The following IL1RAPL2 variants were observed in gnomAD, a reference collection of about 807,000 sequenced individuals.
IL1RAPL2 encodes the protein interleukin 1 receptor accessory protein like 2.
IL1RAPL2 carries 3 observed loss-of-function variants against 44.1 expected under a neutral mutation model. The observed-to-expected ratio is 0.07, with a 90% CI of 0.03 to 0.18. The LOEUF is 0.18. Ranked by LOEUF, IL1RAPL2 falls within the 10% of genes least tolerant of loss-of-function variation. IL1RAPL2 has a pLI of 1.00. For missense variants in IL1RAPL2, 391 were observed against 496.4 expected (o/e 0.79, Z 2.02); for synonymous variants, 181 against 178.8 (o/e 1.01, Z -0.10).
chrX:105,443,017 A>G (rs1055943524), intron 5 of IL1RAPL2, among the ~76,000 whole-genome samples: 1 of 111,885 alleles, frequency 8.9e-6, no homozygotes, highest in East Asian at 2.8e-4. Context: ...CAGAGGTTGC[A>G]GTGAGGTGAA....
At chrX:104,797,336 T>C (rs1300564592) in intron 2 of IL1RAPL2, among the ~76,000 whole-genome samples, 3 of 110,215 alleles carry the variant, frequency 2.7e-5, no homozygotes, top group African/African-American at 9.9e-5. Context: ...CCTCTTTTGA[T>C]TTCCCTCTGT....
At chrX:104,616,711 G>A (rs1022508208) in intron 1 of IL1RAPL2, among the ~76,000 whole-genome samples, 7 of 111,440 alleles carry the variant, frequency 6.3e-5, no homozygotes, top group East Asian at 2.8e-4. Context: ...AGATAGCTTC[G>A]ACTCCCTGTG....
At position 105,267,438 on chromosome X, in the gene IL1RAPL2, T is replaced by C. The variant is rs779907937; in HGVS notation, c.594T>C (p.Ala198=). The part of the protein sequence containing the change: ...WRSIIIQKGN[A]LLIQEVQEED... ...GCATAATAATACAGAAAGGAAATGC[T>C]CTTCTGATCCAAGAAGTTCAAGAAG... Residue 198 remains alanine (A), a synonymous_variant, in exon 5 of 11, where the codon GCT becomes GCC. Coordinates refer to ENST00000372582, the MANE Select transcript of IL1RAPL2 (RefSeq NM_017416.2). The C allele has an allele frequency of 8.3e-7, 1 of 1,201,064 alleles. No homozygotes were observed. The highest frequency in any genetic ancestry group is 3.0e-5 in the East Asian group (1 of 33,586).
At chrX:105,130,053 T>A (rs1261176240) in intron 2 of IL1RAPL2, among the ~76,000 whole-genome samples, 1 of 111,182 alleles carries the variant, frequency 9.0e-6, no homozygotes, top group African/African-American at 3.3e-5. Flanking sequence ...ATTTTGTATT[T>A]GAATCTTCAC....
chrX:104,886,917 A>G (rs781351375), intron 2 of IL1RAPL2, among the ~76,000 whole-genome samples: 1 of 111,708 alleles, frequency 9.0e-6, no homozygotes, highest in African/African-American at 3.3e-5. Flanking sequence ...CAGTTTGGAA[A>G]CCTCATGCAA....
chrX:104,940,587 G>A (rs972148396), intron 2 of IL1RAPL2, among the ~76,000 whole-genome samples: 4 of 110,781 alleles, frequency 3.6e-5, no homozygotes, highest in Non-Finnish European at 7.6e-5. Flanking sequence ...GGTTTATTGT[G>A]GCTCTCGTCT....
At chrX:105,384,757 AT>A (rs761596713) in intron 5 of IL1RAPL2, among the ~76,000 whole-genome samples, 1 of 111,123 alleles carries the variant, frequency 9.0e-6, no homozygotes, top group African/African-American at 3.3e-5. Flanking sequence ...GTAGCTGTCC[AT>A]TTTTTGTGTG....
chrX:105,026,816 C>A (rs1324677636), intron 2 of IL1RAPL2, among the ~76,000 whole-genome samples: 2 of 109,176 alleles, frequency 1.8e-5, no homozygotes. Context: ...CAGTGACATT[C>A]TTCACAGAAA....
chrX:105,174,017 G>A (rs1021135107), intron 2 of IL1RAPL2, among the ~76,000 whole-genome samples: 2 of 111,290 alleles, frequency 1.8e-5, no homozygotes, highest in Non-Finnish European at 3.8e-5. Flanking sequence ...ACAGGCGTAA[G>A]TCACTGCACC....
At chrX:105,718,620 T>G (rs1292256123) in intron 7 of IL1RAPL2, among the ~76,000 whole-genome samples, 2 of 111,484 alleles carry the variant, frequency 1.8e-5, no homozygotes, top group Non-Finnish European at 3.8e-5. Context: ...TGGCTATAAT[T>G]TAAAAAGTCA....
intron 1 of IL1RAPL2, among the ~76,000 whole-genome samples, chrX:104,636,661 C>T (rs1327374560): frequency 2.7e-5 from 3 of 112,257 alleles, no homozygotes; most frequent in Admixed American, 1.9e-4. Flanking sequence ...GATATAATCT[C>T]CTGGTGTGCC....
At chrX:105,547,285 C>T (rs777654115) in intron 6 of IL1RAPL2, among the ~76,000 whole-genome samples, 1 of 112,186 alleles carries the variant, frequency 8.9e-6, no homozygotes, top group East Asian at 2.8e-4. Context: ...ATTTTTAATA[C>T]AAAGGGACTT....
At chrX:104,753,939 G>T (rs185718316) in intron 2 of IL1RAPL2, among the ~76,000 whole-genome samples, 7 of 110,968 alleles carry the variant, frequency 6.3e-5, no homozygotes, top group African/African-American at 2.0e-4. Flanking sequence ...TTTTATTAGC[G>T]TTCAGGTTTT....
At chrX:105,505,396 G>A (rs912894708) in intron 6 of IL1RAPL2, among the ~76,000 whole-genome samples, 2 of 111,393 alleles carry the variant, frequency 1.8e-5, no homozygotes, top group Admixed American at 9.6e-5. Context: ...GTTGTTAAGT[G>A]TTATGAATGA....
At chrX:105,344,725 G>T (rs769560549) in intron 5 of IL1RAPL2, among the ~76,000 whole-genome samples, 1 of 111,522 alleles carries the variant, frequency 9.0e-6, no homozygotes, top group Non-Finnish European at 1.9e-5. Flanking sequence ...ATATGTATAC[G>T]TTATTCTCTG....
chrX:105,292,583 G>A (rs1472544513), intron 5 of IL1RAPL2, among the ~76,000 whole-genome samples: 1 of 111,528 alleles, frequency 9.0e-6, no homozygotes, highest in Non-Finnish European at 1.9e-5. Context: ...GATAAGCCAG[G>A]CATTAAACAG....
chrX:105,079,287 A>C (rs1322658321), intron 2 of IL1RAPL2, among the ~76,000 whole-genome samples: 3 of 110,826 alleles, frequency 2.7e-5, no homozygotes, highest in Non-Finnish European at 5.7e-5. Context: ...TAGAACTAGA[A>C]ATACCATTTG....
intron 2 of IL1RAPL2, among the ~76,000 whole-genome samples, chrX:104,794,412 A>AT (rs993770159): frequency 5.6e-4 from 60 of 107,008 alleles, no homozygotes; most frequent in African/African-American, 1.4e-3. Context: ...TTTCTGATTC[A>AT]TTTTTTTTTT....
chrX:105,274,033 A>C (rs2034467206), intron 5 of IL1RAPL2, among the ~76,000 whole-genome samples: 1 of 112,099 alleles, frequency 8.9e-6, no homozygotes, highest in African/African-American at 3.2e-5. Flanking sequence ...CCAGGCAAAA[A>C]ACTGCATGAT....
Sources: allele counts gnomAD v4.1 joint callset (sites outside exome capture counted in the v4.1 genomes callset), GRCh38; gene constraint gnomAD v4.1.1; transcripts MANE v1.5; gene names NCBI Gene and HGNC (gene_info 2026-07-23, HGNC 2026-07-21).